The following STAM variants were observed in gnomAD, a reference collection of about 807,000 sequenced individuals.
STAM encodes the protein signal transducing adapter molecule 1.
A neutral mutation model predicts 63.4 loss-of-function variants in STAM; 16 were observed. The observed-to-expected ratio is 0.25, with a 90% CI of 0.17 to 0.38. The LOEUF is 0.38. Ranked by LOEUF, STAM falls within the 10% of genes least tolerant of loss-of-function variation. The pLI is 1.00. For synonymous variants in STAM, 238 were observed against 223.9 expected, an observed-to-expected ratio of 1.06 and a Z score of -0.56; for missense variants, 636 against 657.1, an observed-to-expected ratio of 0.97 and a Z score of 0.35.
intron 2 of STAM, among the ~76,000 whole-genome samples, chr10:17,666,485 G>A (rs915410275): frequency 7.0e-6 from 1 of 142,906 alleles, no homozygotes; most frequent in Non-Finnish European, 1.5e-5. Flanking sequence ...AGCTCCGCCT[G>A]CCGGGTTCAC....
At chr10:17,696,582 G>A (rs989792359) in intron 7 of STAM, 193 bp from the exon 8 acceptor site, 2 of 513,262 alleles carry the variant, frequency 3.9e-6, no homozygotes, top group African/African-American at 3.8e-5. Flanking sequence ...ATAAACAACT[G>A]TGTGTTGAAT....
intron 2 of STAM, among the ~76,000 whole-genome samples, chr10:17,667,932 G>A (rs1156861620): frequency 1.3e-5 from 2 of 152,194 alleles, no homozygotes; most frequent in African/African-American, 2.4e-5. Context: ...CGCAGAGCTG[G>A]GTTTCAGAGT....
At chr10:17,704,370 T>C in intron 9 of STAM, 61 bp from the exon 10 acceptor site, 1 of 1,430,286 alleles carries the variant, frequency 7.0e-7, no homozygotes, top group Non-Finnish European at 9.8e-7. Context: ...GATAATAAAG[T>C]GAAAACATAA....
At chr10:17,710,279 T>A (rs1262470123) in intron 13 of STAM, among the ~76,000 whole-genome samples, 6 of 152,190 alleles carry the variant, frequency 3.9e-5, no homozygotes, top group Admixed American at 3.9e-4. Flanking sequence ...GTGAATGAGA[T>A]AACCTGTTGG....
intron 5 of STAM, 121 bp downstream of exon 5, chr10:17,688,294 C>T: frequency 1.0e-6 from 1 of 993,238 alleles, no homozygotes; most frequent in South Asian, 2.6e-5. Context: ...TTTTCGTTAG[C>T]TAATTGTGTT....
In STAM at chr10:17,677,250, C is replaced by G. The variant is rs374464303; in HGVS notation, c.126-7425C>G. On this transcript the variant is annotated intron_variant, in intron 2 of 13. Transcript: ENST00000377524. ...AAGGAATAGTTTCATTTCAACACCCCTTTCCCCACCATCCTTTCCAAAAGT... is the reference window on the plus strand; with the variant it reads ...AAGGAATAGTTTCATTTCAACACCCGTTTCCCCACCATCCTTTCCAAAAGT... 2.6e-5 allele frequency among the ~76,000 whole-genome samples: 4 copies of G among 152,100 alleles called. No homozygotes were observed. In the East Asian group the frequency reaches 5.8e-4, roughly 22 times the overall value.
At chr10:17,668,848 T>G (rs1040794809) in intron 2 of STAM, among the ~76,000 whole-genome samples, 1 of 152,360 alleles carries the variant, frequency 6.6e-6, no homozygotes, top group East Asian at 1.9e-4. Flanking sequence ...TTCTACAGTT[T>G]GTTTATTAAC....
intron 12 of STAM, among the ~76,000 whole-genome samples, chr10:17,708,381 A>C (rs1589115029): frequency 6.6e-6 from 1 of 152,324 alleles, no homozygotes; most frequent in Non-Finnish European, 1.5e-5. Flanking sequence ...AGGAAATGTG[A>C]CTTGTATCCA....
chr10:17,656,995 C>T (rs1833965466), intron 1 of STAM, among the ~76,000 whole-genome samples: 1 of 152,158 alleles, frequency 6.6e-6, no homozygotes, highest in African/African-American at 2.4e-5. Flanking sequence ...CCTCCTTATA[C>T]TTGGGAGGTG....
rs140258854 is a variant in STAM, at chr10:17,686,295, C to T, written c.297+1368C>T. ...TGCAAGCAGCCATTTCCAAAAACGA[C>T]TTCCTATAGGCAAGAGGACTTCTCT... On this transcript the variant is annotated intron_variant, in intron 4 of 13. Coordinates refer to ENST00000377524, the MANE Select transcript of STAM (RefSeq NM_003473.4). Among the ~76,000 whole-genome samples the T allele has an allele frequency of 5.4e-3, 821 of 151,906 alleles. 5 individuals carry two copies. Among genetic ancestry groups the T allele is most frequent in the African/African-American group, 0.019 (779 of 41,346 alleles).
intron 2 of STAM, chr10:17,673,003 A>G (rs1044314593): frequency 1.0e-6 from 1 of 985,012 alleles, no homozygotes; most frequent in African/African-American, 1.7e-5. Context: ...GTGTCTTACA[A>G]AAAGTTTTAA....
intron 7 of STAM, chr10:17,696,106 G>A (rs7350432): frequency 6.6e-6 from 1 of 151,832 alleles, no homozygotes; most frequent in Admixed American, 6.6e-5. Context: ...TTGCTTTGGG[G>A]GTTAGGATTT....
Position 17,708,866 on chromosome 10 carries a change from C to A in STAM, c.1300C>A (p.Gln434Lys). The A allele has an allele frequency of 6.2e-7, 1 of 1,614,180 alleles. No homozygotes were observed. Among genetic ancestry groups the A allele is most frequent in the Non-Finnish European group, 8.5e-7 (1 of 1,180,014 alleles). ...HLQSYSLPPEQLSSLSQAVVP... is the reference protein window; with the variant it reads ...HLQSYSLPPEKLSSLSQAVVP... ...CCAGAGCTACAGTCTTCCCCCGGAG[C>A]AGCTGTCTTCTCTCAGCCAGGCAGT... The change falls in exon 13 of 14, where the codon CAG becomes AAG. Residue 434 changes from glutamine (Q) to lysine (K), a missense_variant. This residue lies in a region of STAM where 532 missense variants were observed against 536.9 expected (regional missense o/e 0.99). Coordinates refer to ENST00000377524, the MANE Select transcript of STAM (RefSeq NM_003473.4).
chr10:17,672,151 G>A (rs924315456), intron 2 of STAM, among the ~76,000 whole-genome samples: 1 of 152,118 alleles, frequency 6.6e-6, no homozygotes, highest in African/African-American at 2.4e-5. Context: ...ATATAGCAAT[G>A]GAAATACCTT....
intron 1 of STAM, among the ~76,000 whole-genome samples, chr10:17,652,617 C>A (rs1554821677): frequency 2.0e-5 from 3 of 151,744 alleles, no homozygotes; most frequent in Non-Finnish European, 2.9e-5. Context: ...AATAAGGTGG[C>A]AGGTTTTAGA....
At chr10:17,656,427 G>C (rs144248717) in intron 1 of STAM, among the ~76,000 whole-genome samples, 1 of 152,054 alleles carries the variant, frequency 6.6e-6, no homozygotes, top group African/African-American at 2.4e-5. Context: ...CTTCACTGTA[G>C]GTTGGTCTGG....
chr10:17,679,735 G>A (rs1272273690), intron 2 of STAM, among the ~76,000 whole-genome samples: 2 of 151,602 alleles, frequency 1.3e-5, no homozygotes, highest in Non-Finnish European at 2.9e-5. Context: ...CAGATTTTCT[G>A]TTTCTTCTTA....
intron 5 of STAM, among the ~76,000 whole-genome samples, chr10:17,690,477 TATG>T (rs1402433178): frequency 6.6e-6 from 1 of 152,124 alleles, no homozygotes; most frequent in Non-Finnish European, 1.5e-5. Flanking sequence ...TAAAGTAAAA[TATG>T]ATGAGGTAGA....
intron 1 of STAM, among the ~76,000 whole-genome samples, chr10:17,652,089 G>T (rs1833763859): frequency 6.6e-6 from 1 of 152,132 alleles, no homozygotes; most frequent in South Asian, 2.1e-4. Flanking sequence ...AGGATAAAAT[G>T]AGATCATTAT....
Sources: gnomAD v4.1 joint callset for allele counts (sites outside exome capture counted in the v4.1 genomes callset) on GRCh38, gnomAD v4.1.1 for gene constraint, gnomAD v4.1.1 regional missense constraint, MANE v1.5 for transcripts, NCBI Gene and HGNC (gene_info 2026-07-23, HGNC 2026-07-21) for gene names.